VEPH1: variants seen among roughly 807,000 people sequenced by gnomAD.
VEPH1 encodes the protein ventricular zone expressed PH domain containing 1.
VEPH1 carries 80 observed loss-of-function variants against 85.2 expected under a neutral mutation model. The ratio of observed to expected loss-of-function variants is 0.94; its 90% CI spans 0.78 to 1.13. The LOEUF is 1.13. Among genes scored for constraint, VEPH1 ranks in the 50% most tolerant of loss-of-function variants. VEPH1 has a pLI of 0.00. For missense variants in VEPH1, 955 were observed against 980.5 expected, an observed-to-expected ratio of 0.97 and a Z score of 0.35; for synonymous variants, 297 against 348.0, an observed-to-expected ratio of 0.85 and a Z score of 1.63.
intron 11 of VEPH1, among the ~76,000 whole-genome samples, chr3:157,288,808 C>T (rs528557751): frequency 1.3e-5 from 2 of 152,300 alleles, no homozygotes; most frequent in South Asian, 4.1e-4. Context: ...GGATACTTTT[C>T]CGCATCCTCT....
chr3:157,414,180 T>C, intron 5 of VEPH1, 90 bp from the exon 6 acceptor site: 3 of 1,050,956 alleles, frequency 2.9e-6, no homozygotes, highest in Non-Finnish European at 4.2e-6. Flanking sequence ...GCAAACTTTT[T>C]TTGCATTAAA....
chr3:157,276,128 G>A (rs746039318), intron 12 of VEPH1, among the ~76,000 whole-genome samples: 1 of 152,190 alleles, frequency 6.6e-6, no homozygotes, highest in Non-Finnish European at 1.5e-5. Context: ...ACACAATATT[G>A]TGGGGACCAA....
chr3:157,387,446 C>T (rs2108897489), intron 6 of VEPH1, among the ~76,000 whole-genome samples: 1 of 152,286 alleles, frequency 6.6e-6, no homozygotes, highest in East Asian at 1.9e-4. Flanking sequence ...GGGATAGTAA[C>T]TTCACTAAAG....
rs184823480 is a variant in VEPH1 at position 157,348,482 on chromosome 3, T to C, written c.1735+14882A>G. On this transcript the variant is annotated intron_variant, in intron 9 of 13. Coordinates refer to ENST00000362010, the MANE Select transcript of VEPH1 (RefSeq NM_001167912.2). Reference sequence around the variant, plus strand: ...AGGCAATACCTCATTGTGGTTTTGGTTTGCATTTCTTTGATGATTAGTGAT... The same window carrying C: ...AGGCAATACCTCATTGTGGTTTTGGCTTGCATTTCTTTGATGATTAGTGAT... Among the ~76,000 whole-genome samples the C allele has an allele frequency of 6.4e-4, 97 of 152,296 alleles. 2 individuals carry two copies. Among genetic ancestry groups the C allele is most frequent in the Admixed American group, 5.3e-3 (81 of 15,296 alleles).
intron 6 of VEPH1, among the ~76,000 whole-genome samples, chr3:157,382,768 T>C (rs1728910420): frequency 1.3e-5 from 2 of 152,318 alleles, no homozygotes; most frequent in South Asian, 4.1e-4. Context: ...CATGCAGCTG[T>C]CTCCAGTGAC....
At chr3:157,370,197 G>A (rs145876603) in intron 7 of VEPH1, among the ~76,000 whole-genome samples, 1 of 152,148 alleles carries the variant, frequency 6.6e-6, no homozygotes, top group Non-Finnish European at 1.5e-5. Context: ...TTGTGTGAAC[G>A]GGGACTTCCC....
chr3:157,292,110 C>G lies in VEPH1; in HGVS notation c.2011-5436G>C, dbSNP rs79121566. 2.3e-4 allele frequency among the ~76,000 whole-genome samples: 35 copies of G among 152,236 alleles called. No homozygotes were observed. The East Asian group carries it at 4.3e-3, about 19-fold the overall frequency. On this transcript the variant is annotated intron_variant, in intron 11 of 13. Coordinates refer to ENST00000362010, the MANE Select transcript of VEPH1 (RefSeq NM_001167912.2). ...CTCAAGACCCTCAGCTTTTTCAGAT[C>G]GTCTGTTCAGAGTTCTCGCTATGTT... is the stretch of plus-strand genomic sequence containing the variant.
chr3:157,361,799 C>T (rs544381065), intron 9 of VEPH1, among the ~76,000 whole-genome samples: 115 of 152,070 alleles, frequency 7.6e-4, no homozygotes, highest in Non-Finnish European at 1.3e-3. Flanking sequence ...GGAAGGACTA[C>T]GGCACAAAAT....
At chr3:157,291,276 A>AT (rs1173124825) in intron 11 of VEPH1, among the ~76,000 whole-genome samples, 1 of 152,202 alleles carries the variant, frequency 6.6e-6, no homozygotes, top group Non-Finnish European at 1.5e-5. Flanking sequence ...CAGTGCACAT[A>AT]CTCTAATGAT....
chr3:157,493,957 G>T (rs1392015447), intron 2 of VEPH1, among the ~76,000 whole-genome samples: 1 of 152,146 alleles, frequency 6.6e-6, no homozygotes, highest in Non-Finnish European at 1.5e-5. Flanking sequence ...GAAAGAAGGG[G>T]TTTCTGAAAA....
chr3:157,461,362 G>GA (rs929830457), intron 3 of VEPH1, among the ~76,000 whole-genome samples: 23 of 150,812 alleles, frequency 1.5e-4, no homozygotes, highest in Non-Finnish European at 1.8e-4. Flanking sequence ...ACTAACTGTA[G>GA]AAAAAAAAAC....
intron 9 of VEPH1, among the ~76,000 whole-genome samples, chr3:157,342,717 AAT>A (rs1414010259): frequency 1.3e-5 from 2 of 152,242 alleles, no homozygotes; most frequent in Non-Finnish European, 2.9e-5. Flanking sequence ...AATCCAACAG[AAT>A]ATACATTCTT....
At chr3:157,308,402 C>T (rs137865272) in intron 11 of VEPH1, among the ~76,000 whole-genome samples, 11 of 151,968 alleles carry the variant, frequency 7.2e-5, no homozygotes, top group South Asian at 4.2e-4. Context: ...TCGTTTCATA[C>T]GTAGCTAAAC....
chr3:157,429,720 T>C (rs542250335), intron 4 of VEPH1, among the ~76,000 whole-genome samples: 1 of 152,246 alleles, frequency 6.6e-6, no homozygotes, highest in Non-Finnish European at 1.5e-5. Context: ...TATTTTACTA[T>C]GAGCGTCTCC....
chr3:157,348,470 T>C (rs541587409), intron 9 of VEPH1, among the ~76,000 whole-genome samples: 5 of 152,344 alleles, frequency 3.3e-5, no homozygotes, highest in East Asian at 3.9e-4. Context: ...CAATACCTCA[T>C]TGTGGTTTTG....
At position 157,393,012 on chromosome 3, in the gene VEPH1, G is replaced by A. The variant is rs750883463; in HGVS notation, c.907-11636C>T. 2.2e-4 allele frequency among the ~76,000 whole-genome samples: 33 copies of A among 152,320 alleles called. 1 individual carries two copies. The highest frequency in any genetic ancestry group is 6.8e-3 in the Middle Eastern group (2 of 294). On this transcript the variant is annotated intron_variant, in intron 6 of 13. Transcript: ENST00000362010. ...TGGACCTGATGTGAAGTTTTCTGGGGTAGAAGACTACTGAAAAATGTTTTC... is the reference window on the plus strand; with the variant it reads ...TGGACCTGATGTGAAGTTTTCTGGGATAGAAGACTACTGAAAAATGTTTTC...
intron 2 of VEPH1, among the ~76,000 whole-genome samples, chr3:157,494,726 T>A (rs1039838268): frequency 3.9e-5 from 6 of 152,100 alleles, no homozygotes; most frequent in African/African-American, 1.2e-4. Flanking sequence ...CCTGGGCAAC[T>A]GTCACTTCTG....
intron 5 of VEPH1, among the ~76,000 whole-genome samples, chr3:157,424,319 T>G (rs567131775): frequency 4.6e-5 from 7 of 152,186 alleles, no homozygotes; most frequent in Non-Finnish European, 1.0e-4. Context: ...AACCTCTTTT[T>G]CTTCCCAGTC....
Position 157,313,626 on chromosome 3 carries a change from G to T in VEPH1, c.2005C>A (p.Gln669Lys). The T allele has an allele frequency of 6.2e-7, 1 of 1,614,002 alleles. No homozygotes were observed. The highest frequency in any genetic ancestry group is 8.5e-7 in the Non-Finnish European group (1 of 1,179,924). Residue 669 changes from glutamine to lysine, a missense_variant, in exon 11 of 14, where the codon CAG becomes AAG. By Grantham distance (53) the Gln-to-Lys change is moderately conservative. Transcript: ENST00000362010. Reference sequence around the variant, plus strand: ...CCAAGGAAAGGAATATTTACCTTCTGCTGTGGAAACGTGGACTCCATCATG... The same window carrying T: ...CCAAGGAAAGGAATATTTACCTTCTTCTGTGGAAACGTGGACTCCATCATG... The part of the protein sequence containing the change: ...TAMMESTFPQ[Q>K]KDLDQVQLHL...
Sources: allele counts gnomAD v4.1 joint callset (sites outside exome capture counted in the v4.1 genomes callset), GRCh38; gene constraint gnomAD v4.1.1; transcripts MANE v1.5; gene names NCBI Gene and HGNC (gene_info 2026-07-23, HGNC 2026-07-21).